CAB39: variants seen among roughly 807,000 people sequenced by gnomAD.
CAB39 encodes the protein calcium-binding protein 39.
Under a neutral mutation model 40.0 loss-of-function variants are expected in CAB39, and 8 were observed. The observed-to-expected ratio is 0.20, with a 90% confidence interval of 0.12 to 0.36. The LOEUF (loss-of-function observed/expected upper bound fraction) is 0.36. Ranked by LOEUF, CAB39 falls within the 10% of genes least tolerant of loss-of-function variation. CAB39 has a pLI of 1.00. For missense variants in CAB39, 270 were observed against 401.1 expected, an observed-to-expected ratio of 0.67 and a Z score of 2.79; for synonymous variants, 156 against 141.6, an observed-to-expected ratio of 1.10 and a Z score of -0.72.
At chr2:230,803,822 C>T (rs1457126569) in intron 5 of CAB39, among the ~76,000 whole-genome samples, 1 of 152,162 alleles carries the variant, frequency 6.6e-6, no homozygotes, top group African/African-American at 2.4e-5. Flanking sequence ...GGCCATACTG[C>T]CCAAGGTAAT....
chr2:230,792,225 C>A (rs753211700), intron 3 of CAB39, among the ~76,000 whole-genome samples: 11 of 152,042 alleles, frequency 7.2e-5, no homozygotes, highest in Non-Finnish European at 1.5e-4. Flanking sequence ...TTTGTATTTC[C>A]TCTGCAAAGT....
At chr2:230,759,752 TTGAAAAATACAGTG>T in intron 1 of CAB39, among the ~76,000 whole-genome samples, 193 bp from the exon 2 acceptor site, 1 of 152,370 alleles carries the variant, frequency 6.6e-6, no homozygotes, top group South Asian at 2.1e-4. Flanking sequence ...ACAAAGTGTT[TTGAAAAATACAGTG>T]TTCTGTAATT....
At chr2:230,721,420 A>G (rs1055512900) in intron 1 of CAB39, among the ~76,000 whole-genome samples, 3 of 152,202 alleles carry the variant, frequency 2.0e-5, no homozygotes, top group Non-Finnish European at 4.4e-5. Flanking sequence ...AACAGAGGGA[A>G]ACTCCATCTC....
rs1394170625 is a variant in CAB39, at chr2:230,752,149, T to G, written c.-43-7810T>G. 3 of 150,466 alleles carry G rather than the reference T, an allele frequency of 2.0e-5. No homozygotes were observed. The East Asian group carries it at 5.9e-4, about 30-fold the overall frequency. The allele number at this position is 150,466 out of a possible 1,614,324, so 9.3% of individuals were successfully genotyped here. ...TTAAAGTGATGATTTTGGTGCTCGC[T>G]TTGGCAGCACATACCCTAAAACTGG... On this transcript the variant is annotated intron_variant, in intron 1 of 8. Transcript: ENST00000258418.
At chr2:230,772,254 CT>C (rs1271573555) in intron 2 of CAB39, among the ~76,000 whole-genome samples, 2 of 152,110 alleles carry the variant, frequency 1.3e-5, no homozygotes, top group East Asian at 3.9e-4. Flanking sequence ...GGGCAAGATA[CT>C]CATATATGCA....
intron 1 of CAB39, among the ~76,000 whole-genome samples, chr2:230,753,059 C>A (rs1041858327): frequency 6.6e-6 from 1 of 152,008 alleles, no homozygotes; most frequent in Non-Finnish European, 1.5e-5. Flanking sequence ...AGAGTGGAAC[C>A]TTGAAGGACA....
At chr2:230,754,085 A>T (rs1455736354) in intron 1 of CAB39, among the ~76,000 whole-genome samples, 2 of 152,190 alleles carry the variant, frequency 1.3e-5, no homozygotes, top group Non-Finnish European at 2.9e-5. Context: ...TCAAGGCCAG[A>T]GGCTGTGCTG....
At chr2:230,734,654 C>G (rs753290050) in intron 1 of CAB39, among the ~76,000 whole-genome samples, 4 of 152,262 alleles carry the variant, frequency 2.6e-5, no homozygotes, top group Admixed American at 2.6e-4. Flanking sequence ...TTATTTGACC[C>G]AGACCACATC....
At chr2:230,719,887 T>C (rs1229433382) in intron 1 of CAB39, among the ~76,000 whole-genome samples, 1 of 152,192 alleles carries the variant, frequency 6.6e-6, no homozygotes, top group African/African-American at 2.4e-5. Flanking sequence ...TCTGAGTACT[T>C]TATGGCATGT....
intron 3 of CAB39, among the ~76,000 whole-genome samples, chr2:230,791,712 T>TCAGGGCCCATTTGCATCTCCTGCCC (rs1411567054): frequency 2.0e-5 from 3 of 152,222 alleles, no homozygotes; most frequent in African/African-American, 7.2e-5. Flanking sequence ...TCCTCCTGTC[T>TCAGGGCCCATTTGCATCTCCTGCCC]CAGGGCCCAT....
At chr2:230,746,114 T>A (rs1002959712) in intron 1 of CAB39, among the ~76,000 whole-genome samples, 3 of 152,228 alleles carry the variant, frequency 2.0e-5, no homozygotes, top group Non-Finnish European at 4.4e-5. Flanking sequence ...TATATTTTTT[T>A]GTAATACTTG....
intron 2 of CAB39, among the ~76,000 whole-genome samples, chr2:230,785,131 A>G (rs937482252): frequency 1.3e-5 from 2 of 152,168 alleles, no homozygotes; most frequent in African/African-American, 4.8e-5. Context: ...ACATATACAC[A>G]CTAATAGTGC....
chr2:230,760,905 C>G (rs951321147), intron 2 of CAB39, among the ~76,000 whole-genome samples: 1 of 152,190 alleles, frequency 6.6e-6, no homozygotes, highest in African/African-American at 2.4e-5. Context: ...CTTCTTACTG[C>G]ACTTTCTAAA....
At chr2:230,749,007 G>C (rs1379117556) in intron 1 of CAB39, among the ~76,000 whole-genome samples, 1 of 141,792 alleles carries the variant, frequency 7.1e-6, no homozygotes, top group East Asian at 2.0e-4. Context: ...CCCCGCCCCC[G>C]TGTTTTTTTT....
intron 1 of CAB39, among the ~76,000 whole-genome samples, chr2:230,735,590 T>G (rs914304434): frequency 2.0e-4 from 31 of 152,210 alleles, no homozygotes; most frequent in African/African-American, 6.8e-4. Context: ...CATGGCTCAC[T>G]GCAGCCTTGA....
intron 2 of CAB39, 74 bp downstream of exon 2, chr2:230,760,189 T>G (rs1695265920): frequency 2.4e-6 from 2 of 837,622 alleles, no homozygotes; most frequent in Admixed American, 4.6e-5. Flanking sequence ...GAGGAATCAG[T>G]AAGTCCCAAT....
At position 230,815,534 on chromosome 2, in the gene CAB39, AG is replaced by A. The variant is rs1226834559; in HGVS notation, c.693+1422del. 4.6e-5 allele frequency among the ~76,000 whole-genome samples: 7 copies of A among 152,294 alleles called. No homozygotes were observed. In the East Asian group the frequency reaches 1.3e-3, roughly 29 times the overall value. ...GAGTCAGTATCTTCTAAGGCCACAA[AG>A]GCCAGACAGGATAGCCTAGGTTAGT... On this transcript the variant is annotated intron_variant, in intron 7 of 8. Coordinates refer to ENST00000258418, the MANE Select transcript of CAB39 (RefSeq NM_016289.4).
At chr2:230,781,974 C>T (rs1289690602) in intron 2 of CAB39, among the ~76,000 whole-genome samples, 3 of 152,176 alleles carry the variant, frequency 2.0e-5, no homozygotes, top group Non-Finnish European at 4.4e-5. Context: ...AAGATAGTCT[C>T]GTGACTCAGC....
chr2:230,813,321 G>A (rs549288234), intron 6 of CAB39, among the ~76,000 whole-genome samples: 8 of 152,254 alleles, frequency 5.3e-5, no homozygotes, highest in Admixed American at 2.6e-4. Context: ...GTCAGTGACC[G>A]CTGTTTTGAA....
Sources: gnomAD v4.1 joint callset for allele counts (sites outside exome capture counted in the v4.1 genomes callset) on GRCh38, gnomAD v4.1.1 for gene constraint, MANE v1.5 for transcripts, NCBI Gene and HGNC (gene_info 2026-07-23, HGNC 2026-07-21) for gene names.